MTMR4: variants seen among roughly 807,000 people sequenced by gnomAD.
MTMR4 encodes myotubularin related protein 4.
Under a neutral mutation model 125.5 loss-of-function variants are expected in MTMR4, and 30 were observed. That is an observed-to-expected ratio of 0.24 (90% CI 0.18 to 0.32). MTMR4 has a LOEUF of 0.32. Ranked by LOEUF, MTMR4 falls within the 10% of genes least tolerant of loss-of-function variation. The pLI is 1.00. For synonymous variants in MTMR4, 498 were observed against 564.5 expected, an observed-to-expected ratio of 0.88 and a Z score of 1.67; for missense variants, 1,039 against 1,511.5, an observed-to-expected ratio of 0.69 and a Z score of 5.18.
At chr17:58,500,747 CAAA>C (rs60355286) in intron 14 of MTMR4, among the ~76,000 whole-genome samples, 3 of 92,204 alleles carry the variant, frequency 3.3e-5, no homozygotes, top group Non-Finnish European at 2.1e-5. Context: ...GATTCTGTCT[CAAA>C]AAAAAAAAAA....
At chr17:58,502,831 G>A (rs1975678266) in intron 14 of MTMR4, among the ~76,000 whole-genome samples, 1 of 152,160 alleles carries the variant, frequency 6.6e-6, no homozygotes, top group Non-Finnish European at 1.5e-5. Flanking sequence ...TGGGGACAAG[G>A]ATCATAAGGG....
chr17:58,516,246 G>T (rs998635143), upstream of MTMR4, among the ~76,000 whole-genome samples: 1 of 152,144 alleles, frequency 6.6e-6, no homozygotes, highest in Non-Finnish European at 1.5e-5. Flanking sequence ...TTTCAGACCA[G>T]AACACAGAGA....
At chr17:58,513,094 T>C in intron 1 of MTMR4, among the ~76,000 whole-genome samples, 153 bp from the exon 2 acceptor site, 1 of 151,746 alleles carries the variant, frequency 6.6e-6, no homozygotes, top group East Asian at 1.9e-4. Flanking sequence ...TCTGACTTGG[T>C]TGGAGACAGG....
intron 14 of MTMR4, among the ~76,000 whole-genome samples, chr17:58,496,602 C>T (rs1250900209): frequency 6.6e-6 from 1 of 152,176 alleles, no homozygotes; most frequent in Non-Finnish European, 1.5e-5. Flanking sequence ...ACCAGTCTCC[C>T]TGGGCAATCT....
chr17:58,511,439 T>C lies in MTMR4; in HGVS notation c.325A>G (p.Lys109Glu). 3 of 1,612,012 alleles carry C rather than the reference T, an allele frequency of 1.9e-6. No individual in the cohort carries two copies. The highest frequency in any genetic ancestry group is 2.5e-6 in the Non-Finnish European group (3 of 1,179,182). The change falls in exon 4 of 18, where the codon AAA (lysine) becomes GAA (glutamate). Residue 109 changes from lysine (K) to glutamate (E), a missense_variant. By Grantham distance (56) the Lys-to-Glu change is moderately conservative. Coordinates refer to ENST00000682306, the MANE Select transcript of MTMR4 (RefSeq NM_001378067.1). Reference protein sequence around the residue: ...FQLHISCKDSKVVRCHFSTFK... With the variant: ...FQLHISCKDSEVVRCHFSTFK... ...CTCCGTTGTTCTCACCTCACCACTT[T>C]GGAGTCCTTGCAGGAAATGTGCAAC... is the stretch of plus-strand genomic sequence containing the variant.
rs1231994111 is a variant in MTMR4, at chr17:58,490,339, A to G, written c.*1324T>C. 1 of 152,598 alleles carries G rather than the reference A, an allele frequency of 6.6e-6. No individual in the cohort carries two copies. Among genetic ancestry groups the G allele is most frequent in the East Asian group, 1.9e-4 (1 of 5,200 alleles). The allele number at this position is 152,598 out of a possible 1,614,324, so 9.5% of individuals were successfully genotyped here. A position where few individuals can be genotyped will look rare whatever the true frequency, so the allele number is the denominator to read the frequency against. Reference sequence around the variant, plus strand: ...AGGCCAAGGAGACTGTATCTGTCCCACCCACAGTACATGGCTATATCACTG... The same window carrying G: ...AGGCCAAGGAGACTGTATCTGTCCCGCCCACAGTACATGGCTATATCACTG... On this transcript the variant is annotated 3_prime_UTR_variant, in exon 18 of 18. Coordinates refer to ENST00000682306, the MANE Select transcript of MTMR4 (RefSeq NM_001378067.1).
At chr17:58,518,314 T>C (rs1180091744), upstream of MTMR4, among the ~76,000 whole-genome samples, 1 of 151,870 alleles carries the variant, frequency 6.6e-6, no homozygotes, top group Non-Finnish European at 1.5e-5. Context: ...GCCCAGGAGG[T>C]ACTTCTGAAA....
At chr17:58,507,406 C>A in intron 7 of MTMR4, 87 bp from the exon 8 acceptor site, 3 of 1,203,912 alleles carry the variant, frequency 2.5e-6, no homozygotes, top group African/African-American at 1.5e-5. Context: ...GTCTCTAGAG[C>A]CAGCAGGGGC....
At chr17:58,516,682 A>G (rs759252074), upstream of MTMR4, 33 of 1,384,924 alleles carry the variant, frequency 2.4e-5, no homozygotes, top group Non-Finnish European at 3.2e-5. Flanking sequence ...GAATCAACAA[A>G]TGACACACAT....
chr17:58,517,444 C>T (rs1342187903), upstream of MTMR4, among the ~76,000 whole-genome samples: 1 of 152,274 alleles, frequency 6.6e-6, no homozygotes, highest in Non-Finnish European at 1.5e-5. Context: ...TACTGCCCAC[C>T]TCCCTGTTCA....
upstream of MTMR4, chr17:58,514,865 C>G (rs1976043725): frequency 4.3e-6 from 2 of 466,754 alleles, no homozygotes; most frequent in Non-Finnish European, 2.8e-6. Context: ...CACCCCATGC[C>G]CTCTTACAAA....
upstream of MTMR4, chr17:58,516,723 C>T (rs565226200): frequency 1.8e-4 from 180 of 1,013,690 alleles, no homozygotes; most frequent in Non-Finnish European, 2.3e-4. Flanking sequence ...AACTCTTATT[C>T]TTCTCCCTCA....
intron 14 of MTMR4, among the ~76,000 whole-genome samples, chr17:58,499,169 T>C (rs1160458099): frequency 6.6e-6 from 1 of 151,996 alleles, no homozygotes; most frequent in African/African-American, 2.4e-5. Flanking sequence ...CTCAATGACC[T>C]GTCCTATATT....
At chr17:58,518,876 C>T (rs1457185870), upstream of MTMR4, among the ~76,000 whole-genome samples, 9 of 152,152 alleles carry the variant, frequency 5.9e-5, no homozygotes, top group Non-Finnish European at 1.2e-4. Context: ...TTAATTAGCC[C>T]GGGGCTAATG....
rs201604653 is a variant in MTMR4, at chr17:58,496,105, C to T, written c.2079G>A (p.Leu693=). ...TVGEVGLPPP[L]PSSQKDYLSN... is the part of the protein sequence containing the mutation. ...TCAAGTAGTCTTTCTGGCTGCTGGG[C>T]AGAGGAGGAGGAAGACCCACTTCTC... The change falls in exon 15 of 18, where the codon CTG becomes CTA. Residue 693 remains leucine (L), a synonymous_variant. Coordinates refer to ENST00000682306, the MANE Select transcript of MTMR4 (RefSeq NM_001378067.1). The T allele has an allele frequency of 2.2e-5, 35 of 1,614,164 alleles. No homozygotes were observed. Among genetic ancestry groups the T allele is most frequent in the Non-Finnish European group, 3.0e-5 (35 of 1,180,032 alleles).
In MTMR4 at chr17:58,512,543, AG is replaced by A. The variant is rs1352662347; in HGVS notation, c.136-38del. 1.3e-6 allele frequency: 2 copies of A among 1,501,774 alleles called. No individual in the cohort carries two copies. Among genetic ancestry groups the A allele is most frequent in the Admixed American group, 3.3e-5 (2 of 59,872 alleles). 93.0% of individuals were successfully genotyped at this position (1,501,774 alleles called of 1,614,324 possible). On this transcript the variant is annotated intron_variant, in intron 2 of 17. Coordinates refer to ENST00000682306, the MANE Select transcript of MTMR4 (RefSeq NM_001378067.1). The surrounding 1 kb of genome is among the most constrained non-coding windows in gnomAD (Gnocchi z 4.1). ...CAGAGAAACCTTCAGTCCAGAAGTG[AG>A]TGACCACCTTATCCTCTTCTACAGC...
chr17:58,508,187 C>G lies in MTMR4; in HGVS notation c.681G>C (p.Trp227Cys), dbSNP rs1975826606. Residue 227 changes from tryptophan (W) to cysteine (C), a missense_variant, in exon 7 of 18, where the codon TGG becomes TGC. Physicochemically the swap from Trp to Cys is radical, Grantham distance 215. Around this residue, in one of 6 missense-constraint regions of MTMR4, gnomAD observed 202 missense variants for 311.9 expected, o/e 0.65. Transcript: ENST00000682306. This position sits in a 1 kb window ranked among gnomAD's most constrained non-coding sequence, Gnocchi z 4.8. ...TATACACAACCACGGGAATCCGCTT[C>G]CAGGAGCGGAAGGAAGCCACGTTCT... is the stretch of plus-strand genomic sequence containing the variant. ...ELENVASFRSWKRIPVVVYRH... is the reference protein window; with the variant it reads ...ELENVASFRSCKRIPVVVYRH... The G allele has an allele frequency of 1.9e-6, 3 of 1,613,830 alleles. No individual in the cohort carries two copies. Among genetic ancestry groups the G allele is most frequent in the Non-Finnish European group, 2.5e-6 (3 of 1,179,994 alleles).
chr17:58,518,920 C>G (rs1415659720), upstream of MTMR4, among the ~76,000 whole-genome samples: 1 of 152,202 alleles, frequency 6.6e-6, no homozygotes, highest in African/African-American at 2.4e-5. Flanking sequence ...AACGTTGAAA[C>G]TCCAGTACTG....
chr17:58,511,250 G>C (rs574697397), intron 4 of MTMR4, 179 bp downstream of exon 4: 2 of 545,400 alleles, frequency 3.7e-6, no homozygotes, highest in African/African-American at 3.8e-5. Flanking sequence ...ATTTTTTCAG[G>C]TCAAGATCCT....
Sources: allele counts gnomAD v4.1 joint callset (sites outside exome capture counted in the v4.1 genomes callset), GRCh38; gene constraint gnomAD v4.1.1; regional missense constraint gnomAD v4.1.1; non-coding constraint Gnocchi (gnomAD v3.1); transcripts MANE v1.5; gene names NCBI Gene and HGNC (gene_info 2026-07-23, HGNC 2026-07-21).